Variants in GPHN observed in about 807,000 individuals in gnomAD.
GPHN encodes the protein gephyrin.
In GPHN, 17 loss-of-function variants were observed where a neutral mutation model predicts 95.5. The ratio of observed to expected loss-of-function variants is 0.18; its 90% confidence interval spans 0.12 to 0.27. GPHN has a LOEUF of 0.27. Among genes scored for constraint, GPHN ranks in the 10% least tolerant of loss-of-function variants. GPHN has a pLI of 1.00. For synonymous variants in GPHN, 320 were observed against 322.5 expected (o/e 0.99, Z 0.08); for missense variants, 660 against 978.1 (o/e 0.67, Z 4.34).
chr14:67,215,788 C>T, the GPHN span, among the ~76,000 whole-genome samples: 2 of 152,122 alleles, frequency 1.3e-5, no homozygotes, highest in African/African-American at 4.8e-5. Flanking sequence ...ACTCTGATGT[C>T]TTCCTTATGT....
chr14:67,406,220 C>T, the GPHN span, among the ~76,000 whole-genome samples: 1 of 149,438 alleles, frequency 6.7e-6, no homozygotes, highest in South Asian at 2.1e-4. Flanking sequence ...GATGGCGCCA[C>T]TGCACTCCAG....
chr14:67,144,264 T>TATATATATATATATATAC (rs2080743156), intron 18 of GPHN, among the ~76,000 whole-genome samples: 1 of 83,134 alleles, frequency 1.2e-5, no homozygotes, highest in African/African-American at 7.5e-5. Context: ...TATATATATA[T>TATATATATATATATATAC]ATATATATAT....
At chr14:67,674,579 A>G in the GPHN span, 8 of 1,124,132 alleles carry the variant, frequency 7.1e-6, no homozygotes, top group Non-Finnish European at 9.5e-6. Flanking sequence ...CCCAGTGGCC[A>G]TAACGGCGAC....
intron 8 of GPHN, among the ~76,000 whole-genome samples, chr14:66,934,952 G>A (rs2067028706): frequency 6.6e-6 from 1 of 152,076 alleles, no homozygotes; most frequent in East Asian, 1.9e-4. Flanking sequence ...TGACTAAAAT[G>A]TATCAAATAG....
intron 2 of GPHN, among the ~76,000 whole-genome samples, chr14:66,765,034 G>A (rs1302441581): frequency 2.0e-5 from 3 of 152,040 alleles, no homozygotes; most frequent in Non-Finnish European, 4.4e-5. Flanking sequence ...AAAATAACAT[G>A]TGATGTCAGA....
chr14:67,521,491 T>C, the GPHN span, among the ~76,000 whole-genome samples: 3 of 152,208 alleles, frequency 2.0e-5, no homozygotes, highest in Non-Finnish European at 4.4e-5. Context: ...GTAGGTACTT[T>C]CATAGAAGTC....
At chr14:67,028,547 T>C (rs1438793739) in intron 10 of GPHN, among the ~76,000 whole-genome samples, 1 of 152,180 alleles carries the variant, frequency 6.6e-6, no homozygotes, top group Non-Finnish European at 1.5e-5. Flanking sequence ...TGTTTTTTTA[T>C]AGTAGCCATT....
the GPHN span, among the ~76,000 whole-genome samples, chr14:67,494,203 A>C: frequency 6.6e-6 from 1 of 152,200 alleles, no homozygotes; most frequent in African/African-American, 2.4e-5. Flanking sequence ...AGAGTAATTA[A>C]AGGGAATGTT....
the GPHN span, among the ~76,000 whole-genome samples, chr14:67,256,823 C>CAT: frequency 3.3e-5 from 5 of 151,914 alleles, no homozygotes; most frequent in African/African-American, 9.7e-5. Flanking sequence ...CACACACACA[C>CAT]ATGAAACTGA....
At chr14:66,887,956 A>G (rs2153538593) in intron 5 of GPHN, among the ~76,000 whole-genome samples, 1 of 152,326 alleles carries the variant, frequency 6.6e-6, no homozygotes, top group Middle Eastern at 3.4e-3. Flanking sequence ...TAACAGACAT[A>G]AACAGTGCCT....
At chr14:67,556,900 C>T in the GPHN span, among the ~76,000 whole-genome samples, 16 of 152,090 alleles carry the variant, frequency 1.1e-4, no homozygotes, top group Admixed American at 7.9e-4. Context: ...ATCTCTACCA[C>T]GGTGGGGTTG....
intron 2 of GPHN, among the ~76,000 whole-genome samples, chr14:66,720,682 T>C (rs971816919): frequency 1.3e-5 from 2 of 152,306 alleles, no homozygotes; most frequent in South Asian, 2.1e-4. Context: ...AGAGAAAAAG[T>C]AATTATTTCA....
chr14:67,651,460 C>T, the GPHN span: 3 of 1,613,856 alleles, frequency 1.9e-6, no homozygotes, highest in Non-Finnish European at 2.5e-6. Flanking sequence ...TAATGGAAAG[C>T]AGCAGCTTGT....
intron 1 of GPHN, among the ~76,000 whole-genome samples, chr14:66,614,026 A>G (rs143605422): frequency 4.7e-4 from 71 of 152,204 alleles, no homozygotes; most frequent in African/African-American, 1.5e-3. Flanking sequence ...GCGGCAGTAT[A>G]TAATTTGTAT....
the GPHN span, chr14:67,241,714 G>T: frequency 1.3e-5 from 2 of 152,490 alleles, no homozygotes; most frequent in African/African-American, 2.4e-5. Context: ...TGCGGCCGTG[G>T]AGGGTGTGAG....
At chr14:66,732,603 G>A (rs1345417488) in intron 2 of GPHN, among the ~76,000 whole-genome samples, 1 of 152,118 alleles carries the variant, frequency 6.6e-6, no homozygotes, top group Non-Finnish European at 1.5e-5. Flanking sequence ...TGCAACCTCC[G>A]CCTCCCCGGT....
chr14:66,653,569 G>T (rs1018289795), intron 1 of GPHN, among the ~76,000 whole-genome samples: 1 of 152,050 alleles, frequency 6.6e-6, no homozygotes, highest in Admixed American at 6.5e-5. Context: ...TTGCCTATTT[G>T]TAAAATACCC....
the GPHN span, chr14:67,653,377 A>C: frequency 1.3e-6 from 2 of 1,482,886 alleles, no homozygotes; most frequent in South Asian, 2.3e-5. Context: ...TCACTATTTT[A>C]AGCTTTTTGG....
intron 9 of GPHN, among the ~76,000 whole-genome samples, chr14:67,022,237 C>T (rs970980858): frequency 6.6e-6 from 1 of 152,016 alleles, no homozygotes; most frequent in Non-Finnish European, 1.5e-5. Flanking sequence ...AATAGCAGAA[C>T]ATTCTGCATT....
Sources: gnomAD v4.1 joint callset for allele counts (sites outside exome capture counted in the v4.1 genomes callset) on GRCh38, gnomAD v4.1.1 for gene constraint, MANE v1.5 for transcripts, NCBI Gene and HGNC (gene_info 2026-07-23, HGNC 2026-07-21) for gene names.